The following MEIS2 variants were observed in gnomAD, a reference collection of about 807,000 sequenced individuals.
MEIS2 encodes Meis homeobox 2.
A neutral mutation model predicts 58.6 loss-of-function variants in MEIS2; 9 were observed. That is an observed-to-expected ratio of 0.15 (90% confidence interval 0.09 to 0.27). MEIS2 has a LOEUF of 0.27. Among genes scored for constraint, MEIS2 ranks in the 10% least tolerant of loss-of-function variants. The probability of loss-of-function intolerance (pLI) is 1.00; values close to 1 mark genes in which losing one functional copy is unlikely to be tolerated. For synonymous variants in MEIS2, 221 were observed against 228.4 expected, an observed-to-expected ratio of 0.97 and a Z score of 0.29; for missense variants, 427 against 635.0, an observed-to-expected ratio of 0.67 and a Z score of 3.52.
At chr15:37,036,676 T>TC (rs927422863) in intron 8 of MEIS2, 138 bp downstream of exon 8, 2 of 973,432 alleles carry the variant, frequency 2.1e-6, no homozygotes, top group African/African-American at 3.3e-5. Flanking sequence ...AAAAAAAACT[T>TC]TAACTAGTCT....
At chr15:37,066,037 C>A (rs891187399) in intron 7 of MEIS2, among the ~76,000 whole-genome samples, 1 of 152,144 alleles carries the variant, frequency 6.6e-6, no homozygotes, top group Non-Finnish European at 1.5e-5. Context: ...GTATTCTTTG[C>A]CATTTCTAAG....
intron 8 of MEIS2, among the ~76,000 whole-genome samples, chr15:36,991,829 C>A (rs866369081): frequency 8.2e-6 from 1 of 122,036 alleles, no homozygotes; most frequent in South Asian, 3.0e-4. Context: ...GCTCTGTCGC[C>A]CAGGCTGGAG....
chr15:37,028,727 G>A (rs1050951398), intron 8 of MEIS2, among the ~76,000 whole-genome samples: 3 of 152,076 alleles, frequency 2.0e-5, no homozygotes, highest in Admixed American at 6.6e-5. Flanking sequence ...AGAACACTCA[G>A]GCTTTCATTT....
chr15:37,074,647 C>G (rs542994540), intron 7 of MEIS2, among the ~76,000 whole-genome samples: 2 of 152,050 alleles, frequency 1.3e-5, no homozygotes, highest in East Asian at 3.9e-4. Flanking sequence ...AATAAAGGAA[C>G]CAACGGTTAC....
intron 10 of MEIS2, 58 bp downstream of exon 10, chr15:36,896,570 T>C: frequency 7.3e-7 from 1 of 1,375,060 alleles, no homozygotes. Flanking sequence ...TACTGGAGTA[T>C]AACTTGATGA....
chr15:37,044,196 C>T (rs2062565616), intron 7 of MEIS2, among the ~76,000 whole-genome samples: 1 of 152,180 alleles, frequency 6.6e-6, no homozygotes, highest in Non-Finnish European at 1.5e-5. Flanking sequence ...AGCCCATGCT[C>T]ACCTCCTCTA....
chr15:36,928,932 G>A (rs979205245), intron 9 of MEIS2, among the ~76,000 whole-genome samples: 3 of 151,996 alleles, frequency 2.0e-5, no homozygotes, highest in African/African-American at 7.2e-5. Flanking sequence ...ATCAAAAAAA[G>A]AAAGAAGGGA....
At chr15:37,054,372 A>C (rs2063045791) in intron 7 of MEIS2, among the ~76,000 whole-genome samples, 1 of 152,208 alleles carries the variant, frequency 6.6e-6, no homozygotes, top group Non-Finnish European at 1.5e-5. Context: ...TTGCCAATGA[A>C]AAATCAGGAG....
chr15:37,096,167 C>T, intron 3 of MEIS2, 122 bp downstream of exon 3: 3 of 1,105,874 alleles, frequency 2.7e-6, no homozygotes, highest in Non-Finnish European at 3.8e-6. Context: ...GCGTAGAGAG[C>T]GGACTGGGCC....
chr15:37,099,416 G>C (rs750397368), intron 1 of MEIS2, 39 bp downstream of exon 1: 2 of 1,614,016 alleles, frequency 1.2e-6, no homozygotes, highest in Non-Finnish European at 1.7e-6. Context: ...TCTTAGGAGA[G>C]GATTTATATC....
rs564501199 is a variant in MEIS2 at position 37,095,785 on chromosome 15, G to A, written c.388-171C>T. ...TAGTGGAGTCCCTGAAGAAGAATCA[G>A]GGCATTCTGGTCCTGGCCCCATTAA... On this transcript the variant is annotated intron_variant, in intron 3 of 11. Transcript: ENST00000561208. 17 of 900,514 alleles carry A rather than the reference G, an allele frequency of 1.9e-5. No individual in the cohort carries two copies. In the South Asian group the frequency reaches 2.7e-4, roughly 14 times the overall value. 55.8% of individuals were successfully genotyped at this position (900,514 alleles called of 1,614,324 possible).
chr15:37,023,913 T>C (rs1352509299), intron 8 of MEIS2, among the ~76,000 whole-genome samples: 5 of 7,712 alleles, frequency 6.5e-4, no homozygotes, highest in Non-Finnish European at 1.4e-3. Flanking sequence ...TTCTCTCTCT[T>C]TTTTTTTTTT....
At chr15:36,974,324 A>G (rs1203649448) in intron 8 of MEIS2, among the ~76,000 whole-genome samples, 2 of 152,208 alleles carry the variant, frequency 1.3e-5, no homozygotes, top group Non-Finnish European at 2.9e-5. Flanking sequence ...ATCGAGCCAC[A>G]GAAGTTGACC....
chr15:36,940,414 C>T (rs945848469), intron 9 of MEIS2, among the ~76,000 whole-genome samples: 1 of 152,054 alleles, frequency 6.6e-6, no homozygotes, highest in Non-Finnish European at 1.5e-5. Context: ...CAGCCAGTCT[C>T]GCTCCTCCCT....
chr15:37,079,924 C>T (rs1891966654), intron 7 of MEIS2, among the ~76,000 whole-genome samples: 1 of 152,030 alleles, frequency 6.6e-6, no homozygotes, highest in African/African-American at 2.4e-5. Flanking sequence ...GCAGTGTGAG[C>T]TCAGCAGTTA....
rs1023778467 is a variant in MEIS2, at chr15:37,099,015, AGCGGCGGCCCCG to A, written c.12+428_12+439del. ...GCAGCGGCTGCGGCAGCGCGGCCCCAGCGGCGGCCCCGGCGGCGGCTCCTACGCAGCCCGTGC... is the reference window on the plus strand; with the variant it reads ...GCAGCGGCTGCGGCAGCGCGGCCCCAGCGGCGGCTCCTACGCAGCCCGTGC... On this transcript the variant is annotated intron_variant, in intron 1 of 11. Coordinates refer to ENST00000561208, the MANE Select transcript of MEIS2 (RefSeq NM_170675.5). 48 of 983,330 alleles carry A rather than the reference AGCGGCGGCCCCG, an allele frequency of 4.9e-5. No individual in the cohort carries two copies. In the East Asian group the frequency reaches 2.6e-3, roughly 54 times the overall value. The allele number at this position is 983,330 out of a possible 1,614,324, so 60.9% of individuals were successfully genotyped here. A position where few individuals can be genotyped will look rare whatever the true frequency, so the allele number is the denominator to read the frequency against.
intron 8 of MEIS2, among the ~76,000 whole-genome samples, chr15:36,970,283 A>G (rs901712824): frequency 6.6e-5 from 10 of 151,984 alleles, no homozygotes; most frequent in South Asian, 2.1e-4. Flanking sequence ...GGGCGCCTGT[A>G]GTCCCAGCTA....
chr15:37,016,522 G>A (rs1395232893), intron 8 of MEIS2, among the ~76,000 whole-genome samples: 1 of 152,004 alleles, frequency 6.6e-6, no homozygotes, highest in Non-Finnish European at 1.5e-5. Context: ...AGTCCCTCCA[G>A]CAGCTCGAAA....
chr15:37,067,801 G>A (rs976098462), intron 7 of MEIS2, among the ~76,000 whole-genome samples: 12 of 152,068 alleles, frequency 7.9e-5, no homozygotes, highest in Non-Finnish European at 1.8e-4. Flanking sequence ...GAAAGAAAGT[G>A]TCTTGAGCTA....
Sources: gnomAD v4.1 joint callset for allele counts (sites outside exome capture counted in the v4.1 genomes callset) on GRCh38, gnomAD v4.1.1 for gene constraint, MANE v1.5 for transcripts, NCBI Gene and HGNC (gene_info 2026-07-23, HGNC 2026-07-21) for gene names.